DDR2: variants seen among roughly 807,000 people sequenced by gnomAD.
The protein encoded by DDR2 is discoidin domain receptor tyrosine kinase 2.
A neutral mutation model predicts 94.9 loss-of-function variants in DDR2; 27 were observed. The ratio of observed to expected loss-of-function variants is 0.28; its 90% CI spans 0.21 to 0.39. DDR2 has a LOEUF of 0.39. DDR2 is among the 10% of genes least tolerant of loss of function. The pLI, the probability that DDR2 is intolerant of heterozygous loss-of-function variation, is 1.00. For missense variants in DDR2, 783 were observed against 1,076.0 expected, an observed-to-expected ratio of 0.73 and a Z score of 3.81; for synonymous variants, 382 against 377.2, an observed-to-expected ratio of 1.01 and a Z score of -0.15.
chr1:162,685,015 T>C (rs1489963762), intron 2 of DDR2, among the ~76,000 whole-genome samples: 1 of 152,190 alleles, frequency 6.6e-6, no homozygotes, highest in Admixed American at 6.5e-5. Flanking sequence ...AGTGAGATAG[T>C]ACGGCCTAGT....
At chr1:162,740,887 A>G (rs1662553466) in intron 3 of DDR2, among the ~76,000 whole-genome samples, 1 of 152,146 alleles carries the variant, frequency 6.6e-6, no homozygotes, top group Non-Finnish European at 1.5e-5. Flanking sequence ...AAGACACTAG[A>G]GAACAGCTCT....
chr1:162,741,209 C>CAATACAATACAATATAATAT (rs368631311), intron 3 of DDR2, among the ~76,000 whole-genome samples: 25 of 69,586 alleles, frequency 3.6e-4, no homozygotes, highest in Non-Finnish European at 4.1e-4. Context: ...CAATACAATA[C>CAATACAATACAATATAATAT]AATATAATAT....
At position 162,778,678 on chromosome 1, in the gene DDR2, T is replaced by C. The variant is rs1480684008; in HGVS notation, c.2382T>C (p.Asp794=). ...AACAGCCCTATTCCCAGCTGTCAGA[T>C]GAACAGGTTATTGAGAATACTGGAG... The part of the protein sequence containing the change: ...CQEQPYSQLS[D]EQVIENTGEF... Residue 794 remains aspartate, a synonymous_variant, in exon 17 of 18, where the codon GAT becomes GAC. Transcript: ENST00000367921. 1.9e-6 allele frequency: 3 copies of C among 1,614,020 alleles called. No individual in the cohort carries two copies. The Admixed American group carries it at 5.0e-5, about 27-fold the overall frequency.
chr1:162,683,916 G>A (rs1047463986), intron 2 of DDR2, among the ~76,000 whole-genome samples: 2 of 152,048 alleles, frequency 1.3e-5, no homozygotes, highest in African/African-American at 2.4e-5. Context: ...TAAAGGCTGA[G>A]GAACCATAAT....
intron 3 of DDR2, among the ~76,000 whole-genome samples, chr1:162,736,599 A>G (rs566058354): frequency 4.6e-5 from 7 of 152,340 alleles, no homozygotes; most frequent in African/African-American, 1.7e-4. Flanking sequence ...AATGGATGTC[A>G]TCATTACTGC....
intron 2 of DDR2, among the ~76,000 whole-genome samples, chr1:162,665,199 A>G (rs1203292172): frequency 6.6e-6 from 1 of 152,188 alleles, no homozygotes; most frequent in Non-Finnish European, 1.5e-5. Context: ...CTGGGGACAG[A>G]ATGTTCACAG....
chr1:162,637,485 A>C (rs1656884234), intron 1 of DDR2, among the ~76,000 whole-genome samples: 1 of 152,124 alleles, frequency 6.6e-6, no homozygotes, highest in Non-Finnish European at 1.5e-5. Flanking sequence ...TACCCTTTGC[A>C]CAATTTCTCT....
intron 14 of DDR2, among the ~76,000 whole-genome samples, 184 bp downstream of exon 14, chr1:162,773,780 C>G (rs1647364155): frequency 6.6e-6 from 1 of 152,202 alleles, no homozygotes; most frequent in South Asian, 2.1e-4. Flanking sequence ...TTCTCCACCT[C>G]TCTCAAACAC....
intron 2 of DDR2, among the ~76,000 whole-genome samples, chr1:162,711,222 A>G (rs1660898692): frequency 6.6e-6 from 1 of 152,202 alleles, no homozygotes; most frequent in Admixed American, 6.5e-5. Context: ...TTGCTATTCA[A>G]AGGAACCCAG....
intron 16 of DDR2, among the ~76,000 whole-genome samples, chr1:162,776,685 GAAAT>G (rs1416833139): frequency 6.6e-6 from 1 of 152,084 alleles, no homozygotes; most frequent in Non-Finnish European, 1.5e-5. Flanking sequence ...ATCATTTAAA[GAAAT>G]GTTACCTATA....
intron 2 of DDR2, among the ~76,000 whole-genome samples, chr1:162,698,658 T>A (rs138928619): frequency 2.0e-5 from 3 of 152,150 alleles, no homozygotes; most frequent in Non-Finnish European, 4.4e-5. Flanking sequence ...TGGGCATGGC[T>A]CAAGCATCCT....
intron 3 of DDR2, among the ~76,000 whole-genome samples, chr1:162,734,683 A>G (rs1662212929): frequency 1.3e-5 from 2 of 152,178 alleles, no homozygotes; most frequent in African/African-American, 4.8e-5. Context: ...AGCATCATGC[A>G]CAGAGACCTT....
At chr1:162,665,740 G>T (rs1330950838) in intron 2 of DDR2, among the ~76,000 whole-genome samples, 1 of 151,964 alleles carries the variant, frequency 6.6e-6, no homozygotes, top group Non-Finnish European at 1.5e-5. Context: ...CTTTGTTTAT[G>T]GTCTGTTAAT....
intron 3 of DDR2, 26 bp downstream of exon 3, chr1:162,719,171 T>G (rs767741072): frequency 1.9e-6 from 3 of 1,613,578 alleles, no homozygotes; most frequent in Non-Finnish European, 2.5e-6. Flanking sequence ...CTCAGCTATA[T>G]GCTAGAAGAC....
At chr1:162,733,542 T>C (rs987762130) in intron 3 of DDR2, among the ~76,000 whole-genome samples, 2 of 152,212 alleles carry the variant, frequency 1.3e-5, no homozygotes, top group Non-Finnish European at 2.9e-5. Context: ...CTATTGCTGA[T>C]TTACTAAGTT....
chr1:162,763,975 A>T (rs1159550780), intron 9 of DDR2, among the ~76,000 whole-genome samples: 2 of 152,254 alleles, frequency 1.3e-5, no homozygotes, highest in African/African-American at 2.4e-5. Context: ...ACTATTGAAC[A>T]TTAAGATTTC....
Position 162,783,985 on chromosome 1 carries a change from A to G in DDR2, c.*3739A>G, listed in dbSNP as rs1648038270. ...ATGTTCTATTATCTTTCATCTGCCA[A>G]TAAAGTTCATTTTCAATAATGTCCA... On this transcript the variant is annotated 3_prime_UTR_variant, in exon 18 of 18. Transcript: ENST00000367921. The G allele has an allele frequency of 6.6e-6, 1 of 152,212 alleles. No homozygotes were observed. The highest frequency in any genetic ancestry group is 1.5e-5 in the Non-Finnish European group (1 of 68,040). 9.4% of individuals were successfully genotyped at this position (152,212 alleles called of 1,614,324 possible). A position where few individuals can be genotyped will look rare whatever the true frequency, so the allele number is the denominator to read the frequency against.
intron 3 of DDR2, among the ~76,000 whole-genome samples, chr1:162,745,053 T>C (rs1395449833): frequency 6.6e-6 from 1 of 152,236 alleles, no homozygotes; most frequent in Non-Finnish European, 1.5e-5. Flanking sequence ...TAAGGTGATA[T>C]CTCATTATGG....
At position 162,752,995 on chromosome 1, in the gene DDR2, C is replaced by T. The variant is rs1571291948; in HGVS notation, c.83-100C>T. On this transcript the variant is annotated intron_variant, in intron 3 of 17. Coordinates refer to ENST00000367921, the MANE Select transcript of DDR2 (RefSeq NM_006182.4). ...AGGAATTTAGGAAGATGTAAATTCT[C>T]TTATTCCTTGTTCAATATTCAGTGA... The T allele has an allele frequency of 3.0e-5, 31 of 1,044,056 alleles. No individual in the cohort carries two copies. The East Asian group carries it at 7.8e-4, about 26-fold the overall frequency. 64.7% of individuals were successfully genotyped at this position (1,044,056 alleles called of 1,614,324 possible). A position where few individuals can be genotyped will look rare whatever the true frequency, so the allele number is the denominator to read the frequency against.
Sources: allele counts gnomAD v4.1 joint callset (sites outside exome capture counted in the v4.1 genomes callset), GRCh38; gene constraint gnomAD v4.1.1; transcripts MANE v1.5; gene names NCBI Gene and HGNC (gene_info 2026-07-23, HGNC 2026-07-21).